The following SLCO3A1 variants were observed in gnomAD, a reference collection of about 807,000 sequenced individuals.
The protein encoded by SLCO3A1 is PGE1 transporter.
In SLCO3A1, 27 loss-of-function variants were observed where a neutral mutation model predicts 63.1. The observed-to-expected ratio is 0.43, with a 90% CI of 0.32 to 0.59. The LOEUF (loss-of-function observed/expected upper bound fraction) is 0.59. SLCO3A1 is among the 20% of genes least tolerant of loss of function. The pLI, the probability that SLCO3A1 is intolerant of heterozygous loss-of-function variation, is 0.09. For missense variants in SLCO3A1, 773 were observed against 945.8 expected, an observed-to-expected ratio of 0.82 and a Z score of 2.40; for synonymous variants, 473 against 409.9, an observed-to-expected ratio of 1.15 and a Z score of -1.86.
rs1012374233 is a variant in SLCO3A1 at position 91,971,764 on chromosome 15, G to A, written c.646+55306G>A. ...GGTGATGAGTTGATGAAAATGTTGT[G>A]AACAGAGGCTCGCAGGAACCTAACC... On this transcript the variant is annotated intron_variant, in intron 2 of 9. Coordinates refer to ENST00000318445, the MANE Select transcript of SLCO3A1 (RefSeq NM_013272.4). 2.0e-5 allele frequency among the ~76,000 whole-genome samples: 3 copies of A among 152,136 alleles called. No individual in the cohort carries two copies. In the South Asian group the frequency reaches 6.2e-4, roughly 32 times the overall value.
At chr15:92,028,523 G>A (rs1464857832) in intron 2 of SLCO3A1, among the ~76,000 whole-genome samples, 1 of 152,160 alleles carries the variant, frequency 6.6e-6, no homozygotes, top group Non-Finnish European at 1.5e-5. Context: ...GAAATACAGA[G>A]AGAAAAGATG....
At chr15:92,010,747 A>G (rs2046360222) in intron 2 of SLCO3A1, among the ~76,000 whole-genome samples, 1 of 152,162 alleles carries the variant, frequency 6.6e-6, no homozygotes, top group Non-Finnish European at 1.5e-5. Flanking sequence ...CCTCTGCCGC[A>G]TGAAGCCCCA....
In SLCO3A1 at chr15:92,164,210, A is replaced by G. The variant is rs191065197; in HGVS notation, c.*1075A>G. On this transcript the variant is annotated 3_prime_UTR_variant, in exon 10 of 10. Coordinates refer to ENST00000318445, the MANE Select transcript of SLCO3A1 (RefSeq NM_013272.4). ...TTTTTTCTCCTTTTTTAATGCACCAAAAATATGTGATACAAGGGATGCAAT... is the reference window on the plus strand; with the variant it reads ...TTTTTTCTCCTTTTTTAATGCACCAGAAATATGTGATACAAGGGATGCAAT... 2.5e-3 allele frequency: 2,420 copies of G among 985,242 alleles called. 2 individuals carry two copies. The highest frequency in any genetic ancestry group is 2.8e-3 in the Non-Finnish European group (2,335 of 829,792). 61.0% of individuals were successfully genotyped at this position (985,242 alleles called of 1,614,324 possible).
intron 2 of SLCO3A1, among the ~76,000 whole-genome samples, chr15:91,991,028 C>T (rs2046119619): frequency 6.6e-6 from 1 of 152,114 alleles, no homozygotes; most frequent in African/African-American, 2.4e-5. Context: ...CCCAGTGTTA[C>T]CAGATTTCTT....
intron 7 of SLCO3A1, among the ~76,000 whole-genome samples, chr15:92,133,870 C>T (rs2048025116): frequency 6.6e-6 from 1 of 152,212 alleles, no homozygotes; most frequent in African/African-American, 2.4e-5. Flanking sequence ...CCCCACTGGT[C>T]AGTGGAATAA....
intron 2 of SLCO3A1, among the ~76,000 whole-genome samples, chr15:91,920,128 A>C (rs8035512): frequency 0.013 from 2,035 of 152,338 alleles, 40 homozygotes; most frequent in African/African-American, 0.045. Context: ...TTGCTGTTTT[A>C]AACAAAGCAG....
rs1488053349 is a variant in SLCO3A1, at chr15:91,882,210, T to G, written c.180+28122T>G. ...TGAGATCTATGCACAGGAGGGGGCA[T>G]GTGAGGACTGAAACTCAGTGTGAGG... On this transcript the variant is annotated intron_variant, in intron 1 of 9. Coordinates refer to ENST00000318445, the MANE Select transcript of SLCO3A1 (RefSeq NM_013272.4). This position sits in a 1 kb window ranked among gnomAD's most constrained non-coding sequence, Gnocchi z 4.4. 6.6e-6 allele frequency among the ~76,000 whole-genome samples: 1 copy of G among 152,146 alleles called. No individual in the cohort carries two copies. The highest frequency in any genetic ancestry group is 1.5e-5 in the Non-Finnish European group (1 of 68,020).
At chr15:91,947,763 T>G (rs1899858612) in intron 2 of SLCO3A1, among the ~76,000 whole-genome samples, 1 of 152,224 alleles carries the variant, frequency 6.6e-6, no homozygotes, top group Admixed American at 6.5e-5. Flanking sequence ...GTTGCTCCGA[T>G]GGCCCCATTG....
rs140885419 is a variant in SLCO3A1 at position 92,048,118 on chromosome 15, C to T, written c.647-46763C>T. 9.9e-4 allele frequency among the ~76,000 whole-genome samples: 150 copies of T among 152,234 alleles called. 1 individual carries two copies. Among genetic ancestry groups the T allele is most frequent in the African/African-American group, 3.5e-3 (145 of 41,558 alleles). On this transcript the variant is annotated intron_variant, in intron 2 of 9. Coordinates refer to ENST00000318445, the MANE Select transcript of SLCO3A1 (RefSeq NM_013272.4). The stretch of plus-strand genomic sequence containing the variant: ...CATAGGAACTGCTTCTCTGCTCTGT[C>T]CCTGAGTGGCATCTAGAATCTGTTT...
chr15:92,013,161 A>C (rs1214216997), intron 2 of SLCO3A1, among the ~76,000 whole-genome samples: 1 of 152,174 alleles, frequency 6.6e-6, no homozygotes, highest in Non-Finnish European at 1.5e-5. Context: ...AGGGGGAGAG[A>C]GCCATCTTTC....
chr15:91,975,500 C>T (rs1408083119), intron 2 of SLCO3A1, among the ~76,000 whole-genome samples: 6 of 152,240 alleles, frequency 3.9e-5, no homozygotes, highest in African/African-American at 9.6e-5. Flanking sequence ...ATGCCACACA[C>T]TTGGTGAGAG....
chr15:91,917,150 T>C (rs1898689179), intron 2 of SLCO3A1, among the ~76,000 whole-genome samples: 1 of 152,102 alleles, frequency 6.6e-6, no homozygotes, highest in African/African-American at 2.4e-5. Context: ...GTGGGCTCTG[T>C]TGGATGGCAG....
At position 92,165,173 on chromosome 15, in the gene SLCO3A1, T is replaced by C. The variant is rs1374044699; in HGVS notation, c.*2038T>C. ...AACCAAAAGAAAAGCTGTGTCGTGG[T>C]ATGGGGCCACCGTGATCAGCTACCT... On this transcript the variant is annotated 3_prime_UTR_variant, in exon 10 of 10. Transcript: ENST00000318445. 1 of 985,318 alleles carries C rather than the reference T, an allele frequency of 1.0e-6. No individual in the cohort carries two copies. Among genetic ancestry groups the C allele is most frequent in the African/African-American group, 1.7e-5 (1 of 57,230 alleles). 61.0% of individuals were successfully genotyped at this position (985,318 alleles called of 1,614,324 possible). A position where few individuals can be genotyped will look rare whatever the true frequency, so the allele number is the denominator to read the frequency against.
At chr15:92,144,390 A>C (rs1362967684) in intron 7 of SLCO3A1, among the ~76,000 whole-genome samples, 2 of 152,226 alleles carry the variant, frequency 1.3e-5, no homozygotes, top group Non-Finnish European at 2.9e-5. Flanking sequence ...GCCCAGATAA[A>C]GCACCTTAAA....
chr15:92,088,934 G>A (rs1375444139), intron 2 of SLCO3A1, among the ~76,000 whole-genome samples: 1 of 152,124 alleles, frequency 6.6e-6, no homozygotes, highest in Non-Finnish European at 1.5e-5. Context: ...GGAGGTTTTT[G>A]GGGGCCACTG....
chr15:91,905,091 C>T (rs1039491113), intron 1 of SLCO3A1, among the ~76,000 whole-genome samples: 1 of 152,192 alleles, frequency 6.6e-6, no homozygotes, highest in Non-Finnish European at 1.5e-5. Context: ...TCTCACATGG[C>T]TGCAGGCTTG....
intron 2 of SLCO3A1, among the ~76,000 whole-genome samples, chr15:91,961,176 C>T (rs1251610703): frequency 6.6e-6 from 1 of 152,170 alleles, no homozygotes; most frequent in Non-Finnish European, 1.5e-5. Flanking sequence ...AATTTATCTC[C>T]TAATTGCATT....
At chr15:92,111,331 A>G (rs1305564983) in intron 4 of SLCO3A1, among the ~76,000 whole-genome samples, 1 of 152,190 alleles carries the variant, frequency 6.6e-6, no homozygotes, top group Non-Finnish European at 1.5e-5. Context: ...GCATAATGTT[A>G]TCATGAGGAG....
At chr15:92,118,238 G>T (rs1162386305) in intron 4 of SLCO3A1, among the ~76,000 whole-genome samples, 1 of 152,158 alleles carries the variant, frequency 6.6e-6, no homozygotes, top group Admixed American at 6.5e-5. Context: ...CCTTTCTAAT[G>T]TTTCAGGAAT....
Sources: gnomAD v4.1 joint callset for allele counts (sites outside exome capture counted in the v4.1 genomes callset) on GRCh38, gnomAD v4.1.1 for gene constraint, Gnocchi (gnomAD v3.1) non-coding constraint, MANE v1.5 for transcripts, NCBI Gene and HGNC (gene_info 2026-07-23, HGNC 2026-07-21) for gene names.